Variants in LRP1B observed in about 807,000 individuals in gnomAD.
The protein encoded by LRP1B is LDL receptor related protein 1B.
LRP1B carries 217 observed loss-of-function variants against 556.6 expected under a neutral mutation model. The observed-to-expected ratio is 0.39, with a 90% CI of 0.35 to 0.44. The LOEUF is 0.44. LRP1B is among the 20% of genes least tolerant of loss of function. The pLI, the probability that LRP1B is intolerant of heterozygous loss-of-function variation, is 1.00. For synonymous variants in LRP1B, 2,047 were observed against 1,865.8 expected (o/e 1.10, Z -2.50); for missense variants, 5,053 against 5,620.8 (o/e 0.90, Z 3.23).
chr2:141,225,780 A>T (rs1047227972), intron 6 of LRP1B, among the ~76,000 whole-genome samples: 1 of 152,100 alleles, frequency 6.6e-6, no homozygotes, highest in Non-Finnish European at 1.5e-5. Flanking sequence ...ATTCTCTCAC[A>T]ATATTGTTTA....
At chr2:140,432,565 A>G (rs72898282) in intron 66 of LRP1B, among the ~76,000 whole-genome samples, 12,662 of 152,266 alleles carry the variant, frequency 0.083, 682 homozygotes, top group African/African-American at 0.15. Flanking sequence ...GGAGATTACA[A>G]ACACCACACT....
chr2:141,963,508 A>G (rs1335617210), intron 1 of LRP1B, among the ~76,000 whole-genome samples: 10 of 151,954 alleles, frequency 6.6e-5, no homozygotes, highest in Non-Finnish European at 2.9e-5. Flanking sequence ...GATTATCTCA[A>G]TAGATGCAGA....
At chr2:140,564,168 C>A (rs1681041734) in intron 43 of LRP1B, among the ~76,000 whole-genome samples, 1 of 152,082 alleles carries the variant, frequency 6.6e-6, no homozygotes, top group Non-Finnish European at 1.5e-5. Context: ...GAATACAATG[C>A]CACATTACAA....
At chr2:140,344,669 G>A (rs1681562026) in intron 77 of LRP1B, among the ~76,000 whole-genome samples, 1 of 151,776 alleles carries the variant, frequency 6.6e-6, no homozygotes, top group African/African-American at 2.4e-5. Flanking sequence ...TTATTTTGGG[G>A]CATGCTAGTT....
chr2:141,258,981 C>A (rs537405471), intron 3 of LRP1B, among the ~76,000 whole-genome samples: 1 of 152,166 alleles, frequency 6.6e-6, no homozygotes, highest in Middle Eastern at 3.4e-3. Context: ...TAATACAGCC[C>A]TTAGCACAGT....
At chr2:141,236,901 T>C (rs1452093310) in intron 5 of LRP1B, among the ~76,000 whole-genome samples, 1 of 152,172 alleles carries the variant, frequency 6.6e-6, no homozygotes, top group Non-Finnish European at 1.5e-5. Context: ...TCTTCTATGG[T>C]CCTCCAAACT....
At chr2:141,108,302 CATT>C (rs1285092817) in intron 7 of LRP1B, among the ~76,000 whole-genome samples, 2 of 137,410 alleles carry the variant, frequency 1.5e-5, no homozygotes, top group African/African-American at 2.7e-5. Context: ...ATATTTTAAT[CATT>C]CAGACAAAAA....
intron 17 of LRP1B, among the ~76,000 whole-genome samples, chr2:140,983,727 A>G (rs1696839831): frequency 6.6e-6 from 1 of 152,114 alleles, no homozygotes; most frequent in African/African-American, 2.4e-5. Flanking sequence ...CTTAGTGTCT[A>G]AAATTAGAAA....
In LRP1B at chr2:141,923,495, G is replaced by A. The variant is rs1700252386; in HGVS notation, c.83-113094C>T. Among the ~76,000 whole-genome samples the A allele has an allele frequency of 2.2e-5, 3 of 136,512 alleles. No individual in the cohort carries two copies. In the South Asian group the frequency reaches 7.1e-4, roughly 33 times the overall value. 89.6% of individuals were successfully genotyped at this position (136,512 alleles called of 152,430 possible). A position where few individuals can be genotyped will look rare whatever the true frequency, so the allele number is the denominator to read the frequency against. On this transcript the variant is annotated intron_variant, in intron 1 of 90. Transcript: ENST00000389484. ...GTGTGTGTGTGTGTGTGTAGAGAGA[G>A]GGAGGGAGGGGGAGAGAGAGAGAGA...
At chr2:140,821,915 G>T (rs1443843294) in intron 31 of LRP1B, among the ~76,000 whole-genome samples, 1 of 151,770 alleles carries the variant, frequency 6.6e-6, no homozygotes, top group Non-Finnish European at 1.5e-5. Flanking sequence ...CAGGAGAATT[G>T]CTTGAATCTG....
At chr2:141,697,374 G>A (rs1391737214) in intron 2 of LRP1B, among the ~76,000 whole-genome samples, 1 of 151,894 alleles carries the variant, frequency 6.6e-6, no homozygotes, top group Non-Finnish European at 1.5e-5. Context: ...CATAGGTAGA[G>A]GGTTGCTGTT....
At position 140,669,650 on chromosome 2, in the gene LRP1B, G is replaced by GT. The variant is rs995595439; in HGVS notation, c.6799+30599dup. Among the ~76,000 whole-genome samples, 12 of 151,962 alleles carry GT rather than the reference G, an allele frequency of 7.9e-5. No individual in the cohort carries two copies. In the South Asian group the frequency reaches 1.2e-3, roughly 16 times the overall value. On this transcript the variant is annotated intron_variant, in intron 41 of 90. Coordinates refer to ENST00000389484, the MANE Select transcript of LRP1B (RefSeq NM_018557.3). ...TATATAACTGTTACTTTTACTGACA[G>GT]TTTTTTTTATACAGAAGAAATTGTT... is the stretch of plus-strand genomic sequence containing the variant.
intron 3 of LRP1B, among the ~76,000 whole-genome samples, chr2:141,342,726 A>G (rs191106047): frequency 6.6e-6 from 1 of 152,286 alleles, no homozygotes; most frequent in Non-Finnish European, 1.5e-5. Context: ...GACTATGTGA[A>G]AAGACCAAAC....
intron 1 of LRP1B, among the ~76,000 whole-genome samples, chr2:142,023,071 A>G (rs190633725): frequency 6.6e-6 from 1 of 152,288 alleles, no homozygotes; most frequent in African/African-American, 2.4e-5. Flanking sequence ...AGCACATCTT[A>G]TCTGAAGAAT....
chr2:141,401,478 G>A (rs1431723782), intron 3 of LRP1B, among the ~76,000 whole-genome samples: 3 of 152,176 alleles, frequency 2.0e-5, no homozygotes, highest in Non-Finnish European at 2.9e-5. Flanking sequence ...CACCAGACCT[G>A]ATCATCTTTT....
chr2:140,402,132 C>T (rs1684530365), intron 66 of LRP1B, among the ~76,000 whole-genome samples: 1 of 152,136 alleles, frequency 6.6e-6, no homozygotes, highest in Non-Finnish European at 1.5e-5. Flanking sequence ...ATCGCTGTAG[C>T]CTGGCTCTCA....
At chr2:140,490,920 T>C (rs1688669771) in intron 57 of LRP1B, among the ~76,000 whole-genome samples, 1 of 152,092 alleles carries the variant, frequency 6.6e-6, no homozygotes, top group Non-Finnish European at 1.5e-5. Flanking sequence ...ACTAAGAAAG[T>C]ATCCGAAACT....
chr2:140,947,544 T>C (rs6429851), intron 20 of LRP1B, among the ~76,000 whole-genome samples: 3 of 152,238 alleles, frequency 2.0e-5, no homozygotes, highest in Non-Finnish European at 2.9e-5. Flanking sequence ...TCTGCTTTAC[T>C]TCGGCAATGG....
At chr2:141,219,868 G>GA (rs1682964552) in intron 6 of LRP1B, among the ~76,000 whole-genome samples, 1 of 151,940 alleles carries the variant, frequency 6.6e-6, no homozygotes, top group African/African-American at 2.4e-5. Flanking sequence ...ATTGCCAAAA[G>GA]AAAAACAAAC....
Sources: gnomAD v4.1 joint callset for allele counts (sites outside exome capture counted in the v4.1 genomes callset) on GRCh38, gnomAD v4.1.1 for gene constraint, MANE v1.5 for transcripts, NCBI Gene and HGNC (gene_info 2026-07-23, HGNC 2026-07-21) for gene names.